The following AAMDC variants were observed in gnomAD, a reference collection of about 807,000 sequenced individuals.
AAMDC encodes adipogenesis associated Mth938 domain containing, also known as mth938 domain-containing protein.
A neutral mutation model predicts 15.5 loss-of-function variants in AAMDC; 16 were observed. The observed-to-expected ratio is 1.03, with a 90% CI of 0.70 to 1.57. AAMDC has a LOEUF of 1.57. AAMDC is among the 40% of genes most tolerant of loss of function. The pLI, the probability that AAMDC is intolerant of heterozygous loss-of-function variation, is 0.00. For synonymous variants in AAMDC, 51 were observed against 51.6 expected, an observed-to-expected ratio of 0.99 and a Z score of 0.05; for missense variants, 141 against 144.9, an observed-to-expected ratio of 0.97 and a Z score of 0.14.
At chr11:77,884,821 C>G (rs1458035770) in intron 5 of AAMDC, 4 of 406,940 alleles carry the variant, frequency 9.8e-6, no homozygotes, top group Non-Finnish European at 1.5e-5. Flanking sequence ...GTGGCACGAT[C>G]ATAACTCACT....
chr11:77,874,228 T>C (rs923296836), downstream of AAMDC, among the ~76,000 whole-genome samples: 2 of 152,226 alleles, frequency 1.3e-5, no homozygotes, highest in Non-Finnish European at 2.9e-5. Flanking sequence ...CTCGGAAGGA[T>C]CTGCTTGGTG....
intron 2 of AAMDC, among the ~76,000 whole-genome samples, chr11:77,845,705 T>C (rs1950118258): frequency 6.6e-6 from 1 of 152,162 alleles, no homozygotes; most frequent in Non-Finnish European, 1.5e-5. Flanking sequence ...GCTGGGTTTA[T>C]AGGTGAGCCA....
intron 2 of AAMDC, among the ~76,000 whole-genome samples, chr11:77,852,657 C>G (rs1424386824): frequency 1.3e-5 from 2 of 152,182 alleles, no homozygotes; most frequent in Non-Finnish European, 2.9e-5. Flanking sequence ...ACATTCCCAC[C>G]TCACTCCATG....
chr11:77,821,901 T>C (rs1948923535), intron 1 of AAMDC, among the ~76,000 whole-genome samples: 3 of 152,132 alleles, frequency 2.0e-5, no homozygotes, highest in Admixed American at 2.0e-4. Flanking sequence ...TGGAGGTTTC[T>C]TTATTTCTTT....
chr11:77,891,675 C>A (rs760239117), intron 5 of AAMDC: 4 of 1,611,826 alleles, frequency 2.5e-6, no homozygotes, highest in African/African-American at 2.7e-5. Flanking sequence ...CCAAATAGAC[C>A]CTGACCTGCT....
intron 1 of AAMDC, among the ~76,000 whole-genome samples, chr11:77,826,335 C>T (rs1949171564): frequency 6.6e-6 from 1 of 151,036 alleles, no homozygotes; most frequent in African/African-American, 2.4e-5. Flanking sequence ...GCACTCTGGC[C>T]TGGGTGACAG....
intron 1 of AAMDC, chr11:77,841,165 C>T (rs1451805623): frequency 1.4e-6 from 1 of 700,976 alleles, no homozygotes; most frequent in Non-Finnish European, 2.6e-6. Context: ...ACTACTCCTG[C>T]AATAACAGCA....
At chr11:77,846,905 A>T (rs1950170922) in intron 2 of AAMDC, among the ~76,000 whole-genome samples, 1 of 152,178 alleles carries the variant, frequency 6.6e-6, no homozygotes, top group African/African-American at 2.4e-5. Flanking sequence ...TGTCCCATAA[A>T]GGAAGATTCA....
chr11:77,837,210 A>G (rs1949722038), intron 1 of AAMDC, among the ~76,000 whole-genome samples: 1 of 151,600 alleles, frequency 6.6e-6, no homozygotes, highest in Non-Finnish European at 1.5e-5. Flanking sequence ...ATCTCAGCTC[A>G]CTGCAACCTC....
intron 5 of AAMDC, among the ~76,000 whole-genome samples, chr11:77,889,384 C>T (rs1208075098): frequency 4.7e-5 from 4 of 84,280 alleles, no homozygotes; most frequent in African/African-American, 1.4e-4. Context: ...CATCACACCC[C>T]GGGGACTGTT....
At chr11:77,887,373 C>A in intron 5 of AAMDC, among the ~76,000 whole-genome samples, 1 of 152,092 alleles carries the variant, frequency 6.6e-6, no homozygotes. Context: ...AATTCAACAA[C>A]CTTCATGCTA....
chr11:77,864,151 T>A (rs2136270925), intron 2 of AAMDC, among the ~76,000 whole-genome samples: 1 of 152,238 alleles, frequency 6.6e-6, no homozygotes, highest in African/African-American at 2.4e-5. Context: ...GGTCTCGAAC[T>A]CCTGACCTCA....
At chr11:77,832,697 GAA>G (rs573933665) in intron 1 of AAMDC, among the ~76,000 whole-genome samples, 1 of 133,356 alleles carries the variant, frequency 7.5e-6, no homozygotes, top group Admixed American at 7.7e-5. Flanking sequence ...TCTGTTTTAA[GAA>G]AAAAAAAAAA....
intron 5 of AAMDC, among the ~76,000 whole-genome samples, chr11:77,885,678 G>T (rs1951974301): frequency 6.6e-6 from 1 of 151,982 alleles, no homozygotes; most frequent in African/African-American, 2.4e-5. Flanking sequence ...AATTAGCTGG[G>T]TATGGTGGCG....
intron 1 of AAMDC, among the ~76,000 whole-genome samples, chr11:77,836,060 C>G (rs1364060384): frequency 6.6e-6 from 1 of 152,190 alleles, no homozygotes; most frequent in African/African-American, 2.4e-5. Context: ...TTCTTAACCA[C>G]TCTCCAATCT....
Position 77,853,993 on chromosome 11 carries a change from CTT to C in AAMDC, c.132+11379_132+11380del, listed in dbSNP as rs571437470. ...TGCCTTCCCAACAGTCCTCCAAATTCTTTTTTTTTTTTTTTGAGACAGACTCT... is the reference window on the plus strand; with the variant it reads ...TGCCTTCCCAACAGTCCTCCAAATTCTTTTTTTTTTTTTGAGACAGACTCT... On this transcript the variant is annotated intron_variant, in intron 2 of 3. Coordinates refer to ENST00000393427, the MANE Select transcript of AAMDC (RefSeq NM_024684.4). Among the ~76,000 whole-genome samples, 1,140 of 138,386 alleles carry C rather than the reference CTT, an allele frequency of 8.2e-3. 14 individuals are homozygous for C. Among genetic ancestry groups the C allele is most frequent in the African/African-American group, 0.027 (1,013 of 37,136 alleles). The allele number at this position is 138,386 out of a possible 152,430, so 90.8% of individuals were successfully genotyped here.
At chr11:77,841,424 A>G (rs1949926176) in intron 1 of AAMDC, among the ~76,000 whole-genome samples, 1 of 152,128 alleles carries the variant, frequency 6.6e-6, no homozygotes, top group Admixed American at 6.5e-5. Context: ...CTTGGTGTGT[A>G]TATAGCTTAG....
intron 2 of AAMDC, among the ~76,000 whole-genome samples, chr11:77,852,643 C>T (rs1950446003): frequency 1.3e-5 from 2 of 152,304 alleles, no homozygotes; most frequent in South Asian, 2.1e-4. Context: ...CTATCTCTTC[C>T]ATCACATTCC....
chr11:77,857,383 G>A (rs1053742502), intron 2 of AAMDC, among the ~76,000 whole-genome samples: 13 of 152,134 alleles, frequency 8.5e-5, no homozygotes, highest in Admixed American at 5.9e-4. Context: ...AGAAGTGTAG[G>A]AGAAAATGCT....
Sources: gnomAD v4.1 joint callset for allele counts (sites outside exome capture counted in the v4.1 genomes callset) on GRCh38, gnomAD v4.1.1 for gene constraint, MANE v1.5 for transcripts, NCBI Gene and HGNC (gene_info 2026-07-23, HGNC 2026-07-21) for gene names.